SLC35F3: variants seen among roughly 807,000 people sequenced by gnomAD.
The protein encoded by SLC35F3 is putative thiamine transporter SLC35F3.
Under a neutral mutation model 49.9 loss-of-function variants are expected in SLC35F3, and 25 were observed. The ratio of observed to expected loss-of-function variants is 0.50; its 90% CI spans 0.37 to 0.70. The LOEUF (loss-of-function observed/expected upper bound fraction) is 0.70, where lower values mean the gene tolerates loss of function less well. Among genes scored for constraint, SLC35F3 ranks in the 30% least tolerant of loss-of-function variants. The pLI is 0.00. For missense variants in SLC35F3, 525 were observed against 639.8 expected (o/e 0.82, Z 1.94); for synonymous variants, 275 against 265.4 (o/e 1.04, Z -0.35).
intron 2 of SLC35F3, among the ~76,000 whole-genome samples, chr1:234,100,593 A>G (rs1007871691): frequency 6.6e-6 from 1 of 152,220 alleles, no homozygotes; most frequent in Non-Finnish European, 1.5e-5. Context: ...GTTATAATCA[A>G]TCTAAATGGT....
chr1:234,008,676 A>C (rs1003057217), intron 2 of SLC35F3, among the ~76,000 whole-genome samples: 12 of 152,228 alleles, frequency 7.9e-5, no homozygotes, highest in Non-Finnish European at 1.8e-4. Flanking sequence ...AGAGTTTCCA[A>C]GTACAGCCTG....
At chr1:234,039,143 A>T (rs937065320) in intron 2 of SLC35F3, among the ~76,000 whole-genome samples, 3 of 152,242 alleles carry the variant, frequency 2.0e-5, no homozygotes, top group Non-Finnish European at 4.4e-5. Flanking sequence ...AGCTCTAAAC[A>T]GGATGAAATC....
intron 2 of SLC35F3, among the ~76,000 whole-genome samples, chr1:234,149,260 C>G (rs1054852432): frequency 6.6e-6 from 1 of 152,144 alleles, no homozygotes; most frequent in Admixed American, 6.5e-5. Flanking sequence ...ACATTGTGAA[C>G]AGGATTTCAA....
intron 3 of SLC35F3, among the ~76,000 whole-genome samples, chr1:234,279,799 AT>A (rs1347692339): frequency 6.6e-6 from 1 of 152,158 alleles, no homozygotes; most frequent in Non-Finnish European, 1.5e-5. Context: ...AAAAATGCTA[AT>A]TTGTGAATTG....
chr1:234,222,520 A>G (rs1157142192), intron 2 of SLC35F3, among the ~76,000 whole-genome samples: 2 of 152,148 alleles, frequency 1.3e-5, no homozygotes, highest in Non-Finnish European at 2.9e-5. Context: ...ACCTCTTCTG[A>G]TTAGAGGACC....
At position 234,152,282 on chromosome 1, in the gene SLC35F3, C is replaced by T. The variant is rs146888951; in HGVS notation, c.284-79135C>T. On this transcript the variant is annotated intron_variant, in intron 2 of 7. Coordinates refer to ENST00000366618, the MANE Select transcript of SLC35F3 (RefSeq NM_173508.4). Reference sequence around the variant, plus strand: ...TAAATTCTGGGATACATGTGCAGAACGTGCAGGTTTGTTACATAGGAATAC... The same window carrying T: ...TAAATTCTGGGATACATGTGCAGAATGTGCAGGTTTGTTACATAGGAATAC... Among the ~76,000 whole-genome samples, 1,103 of 150,792 alleles carry T rather than the reference C, an allele frequency of 7.3e-3. 19 individuals are homozygous for T. Among genetic ancestry groups the T allele is most frequent in the African/African-American group, 0.024 (991 of 40,780 alleles).
chr1:234,010,527 C>A (rs1305507873), intron 2 of SLC35F3, among the ~76,000 whole-genome samples: 1 of 152,110 alleles, frequency 6.6e-6, no homozygotes, highest in East Asian at 1.9e-4. Context: ...AGATTAAAAT[C>A]TCCAATAAAA....
At chr1:233,947,873 G>A (rs1662538065) in intron 2 of SLC35F3, among the ~76,000 whole-genome samples, 2 of 148,872 alleles carry the variant, frequency 1.3e-5, no homozygotes, top group Non-Finnish European at 1.5e-5. Context: ...ATCAAAGTTT[G>A]TTCTTCCTCC....
At chr1:234,154,736 G>A (rs1349791688) in intron 2 of SLC35F3, among the ~76,000 whole-genome samples, 1 of 152,136 alleles carries the variant, frequency 6.6e-6, no homozygotes, top group Non-Finnish European at 1.5e-5. Flanking sequence ...TGTAGGCATG[G>A]GATGCCACCA....
At chr1:234,290,496 C>A (rs1406253722) in intron 3 of SLC35F3, among the ~76,000 whole-genome samples, 1 of 152,154 alleles carries the variant, frequency 6.6e-6, no homozygotes, top group East Asian at 1.9e-4. Context: ...AAGGGTTAAC[C>A]TCAGTGCACT....
At chr1:234,304,702 A>G (rs1657092822) in intron 3 of SLC35F3, among the ~76,000 whole-genome samples, 2 of 152,208 alleles carry the variant, frequency 1.3e-5, no homozygotes, top group African/African-American at 2.4e-5. Context: ...TCCTATGTGA[A>G]TATGTTAGGC....
intron 2 of SLC35F3, among the ~76,000 whole-genome samples, chr1:234,206,693 A>T (rs1224139416): frequency 6.6e-6 from 1 of 152,158 alleles, no homozygotes; most frequent in Non-Finnish European, 1.5e-5. Flanking sequence ...AGCTGTAGCA[A>T]GTATACAAAT....
At chr1:234,102,485 A>G (rs1355102710) in intron 2 of SLC35F3, among the ~76,000 whole-genome samples, 1 of 152,246 alleles carries the variant, frequency 6.6e-6, no homozygotes, top group Non-Finnish European at 1.5e-5. Context: ...CGTGTGCAAG[A>G]TCTAACCTTT....
In SLC35F3 at chr1:233,905,129, G is replaced by A. The variant is rs900001926; in HGVS notation, c.52G>A (p.Val18Ile). 6.4e-7 allele frequency: 1 copy of A among 1,556,684 alleles called. No homozygotes were observed. Among genetic ancestry groups the A allele is most frequent in the South Asian group, 1.2e-5 (1 of 84,434 alleles). ...SGAPRGKSIAVGMRRSPDVSP... is the reference protein window; with the variant it reads ...SGAPRGKSIAIGMRRSPDVSP... ...CGCACCCAGGGGCAAGAGCATTGCCGTGTGAGTAGCGCCCCGGGCGTGGGT... is the reference window on the plus strand; with the variant it reads ...CGCACCCAGGGGCAAGAGCATTGCCATGTGAGTAGCGCCCCGGGCGTGGGT... Residue 18 changes from valine (V) to isoleucine (I), a missense_variant and splice_region_variant, in exon 1 of 8, where the codon GTT becomes ATT. Coordinates refer to ENST00000366618, the MANE Select transcript of SLC35F3 (RefSeq NM_173508.4).
At chr1:234,284,348 C>T (rs560979977) in intron 3 of SLC35F3, among the ~76,000 whole-genome samples, 1 of 152,330 alleles carries the variant, frequency 6.6e-6, no homozygotes, top group Admixed American at 6.5e-5. Flanking sequence ...TGTCTGACTT[C>T]TATGTCTATG....
At chr1:234,089,844 TAAAG>T (rs921267102) in intron 2 of SLC35F3, among the ~76,000 whole-genome samples, 2 of 151,268 alleles carry the variant, frequency 1.3e-5, no homozygotes, top group African/African-American at 2.5e-5. Flanking sequence ...AGTATGGAAA[TAAAG>T]AAACAGACAG....
chr1:234,235,506 A>G (rs1667450684), intron 3 of SLC35F3, among the ~76,000 whole-genome samples: 1 of 152,210 alleles, frequency 6.6e-6, no homozygotes, highest in Admixed American at 6.5e-5. Context: ...GGCCCCTCTG[A>G]CCTTGGAACA....
intron 2 of SLC35F3, among the ~76,000 whole-genome samples, chr1:234,112,164 C>T (rs564456867): frequency 1.6e-4 from 25 of 151,970 alleles, no homozygotes; most frequent in African/African-American, 5.8e-4. Flanking sequence ...AGTGAGACTT[C>T]GTCTTTACAA....
chr1:234,078,603 G>T (rs1261774074), intron 2 of SLC35F3, among the ~76,000 whole-genome samples: 3 of 152,200 alleles, frequency 2.0e-5, no homozygotes, highest in Admixed American at 2.0e-4. Flanking sequence ...CTAAGCCTCA[G>T]ATTCCTTTGC....
Sources: allele counts gnomAD v4.1 joint callset (sites outside exome capture counted in the v4.1 genomes callset), GRCh38; gene constraint gnomAD v4.1.1; transcripts MANE v1.5; gene names NCBI Gene and HGNC (gene_info 2026-07-23, HGNC 2026-07-21).